The following KCTD5 variants were observed in gnomAD, a reference collection of about 807,000 sequenced individuals.
KCTD5 encodes the protein BTB/POZ domain-containing protein KCTD5.
A neutral mutation model predicts 27.9 loss-of-function variants in KCTD5; 12 were observed. The observed-to-expected ratio is 0.43, with a 90% CI of 0.28 to 0.70. KCTD5 has a LOEUF of 0.70. KCTD5 is among the 30% of genes least tolerant of loss of function. KCTD5 has a pLI of 0.19. For missense variants in KCTD5, 226 were observed against 274.8 expected (o/e 0.82, Z 1.26); for synonymous variants, 147 against 121.4 (o/e 1.21, Z -1.39).
intron 5 of KCTD5, among the ~76,000 whole-genome samples, chr16:2,704,866 G>A (rs2067628172): frequency 1.3e-5 from 2 of 152,242 alleles, no homozygotes; most frequent in Non-Finnish European, 2.9e-5. Context: ...CCTGCCAGGA[G>A]TGGGGCCAGA....
At chr16:2,693,632 C>T (rs185250267) in intron 1 of KCTD5, among the ~76,000 whole-genome samples, 2 of 152,360 alleles carry the variant, frequency 1.3e-5, no homozygotes, top group East Asian at 3.9e-4. Context: ...CTGCCTTCAT[C>T]CTTCCAGTTG....
intron 1 of KCTD5, among the ~76,000 whole-genome samples, chr16:2,691,685 G>A (rs570134788): frequency 4.6e-5 from 7 of 152,268 alleles, no homozygotes; most frequent in African/African-American, 7.2e-5. Context: ...GGTGTGGAGC[G>A]GCTGGCAGGT....
In KCTD5 at chr16:2,698,136, C is replaced by T. The variant is rs922938654; in HGVS notation, c.453+139C>T. 15 of 628,338 alleles carry T rather than the reference C, an allele frequency of 2.4e-5. No individual in the cohort carries two copies. The African/African-American group carries it at 2.6e-4, about 11-fold the overall frequency. The allele number at this position is 628,338 out of a possible 1,614,324, so 38.9% of individuals were successfully genotyped here. ...ACCCTGAGACCCTTGTCCTCTGTCA[C>T]TGCCCCAGTGCCTGCCAGCTCCGTC... On this transcript the variant is annotated intron_variant, in intron 3 of 5. Coordinates refer to ENST00000301738, the MANE Select transcript of KCTD5 (RefSeq NM_018992.4).
chr16:2,689,718 G>A (rs1372880148), intron 1 of KCTD5, among the ~76,000 whole-genome samples: 4 of 150,990 alleles, frequency 2.6e-5, no homozygotes, highest in African/African-American at 7.3e-5. Flanking sequence ...TCACTGGATC[G>A]CCCAGGCTGG....
In KCTD5 at chr16:2,706,220, G is replaced by A. The variant is rs117780416; in HGVS notation, c.676-1078G>A. ...GGGGGTGGAGTATTGGAGTCAGGCT[G>A]AGCAGCTCAGGGGACGTGGCCTCCA... On this transcript the variant is annotated intron_variant, in intron 5 of 5. Coordinates refer to ENST00000301738, the MANE Select transcript of KCTD5 (RefSeq NM_018992.4). Among the ~76,000 whole-genome samples, 252 of 152,320 alleles carry A rather than the reference G, an allele frequency of 1.7e-3. 6 individuals carry two copies. In the East Asian group the frequency reaches 0.047, roughly 29 times the overall value.
rs1567193086 is a variant in KCTD5 at position 2,688,224 on chromosome 16, A to AT, written c.252+5424_252+5425insT. Among the ~76,000 whole-genome samples, 21 of 79,592 alleles carry AT rather than the reference A, an allele frequency of 2.6e-4. 1 individual carries two copies. The South Asian group carries it at 4.9e-3, about 19-fold the overall frequency. 52.2% of individuals were successfully genotyped at this position (79,592 alleles called of 152,430 possible). A position where few individuals can be genotyped will look rare whatever the true frequency, so the allele number is the denominator to read the frequency against. On this transcript the variant is annotated intron_variant, in intron 1 of 5. Coordinates refer to ENST00000301738, the MANE Select transcript of KCTD5 (RefSeq NM_018992.4). ...GTTTTTATTATTAAATAAATAAATA[A>AT]ATAAATATATATATATATATATTTA...
intron 5 of KCTD5, among the ~76,000 whole-genome samples, chr16:2,706,196 G>C (rs1054414000): frequency 2.0e-5 from 3 of 152,214 alleles, no homozygotes; most frequent in Admixed American, 1.3e-4. Flanking sequence ...GAGCTGTTGG[G>C]GGGTGGAGTA....
At chr16:2,687,717 G>T (rs749601440) in intron 1 of KCTD5, among the ~76,000 whole-genome samples, 1 of 152,006 alleles carries the variant, frequency 6.6e-6, no homozygotes, top group Non-Finnish European at 1.5e-5. Flanking sequence ...TCAGACACTT[G>T]TAGGCACTTT....
At chr16:2,684,982 C>T (rs1371115464) in intron 1 of KCTD5, among the ~76,000 whole-genome samples, 1 of 151,988 alleles carries the variant, frequency 6.6e-6, no homozygotes, top group Non-Finnish European at 1.5e-5. Context: ...ATTCTTTGAG[C>T]GAGGGGTAAT....
intron 5 of KCTD5, among the ~76,000 whole-genome samples, chr16:2,705,161 A>G (rs933489036): frequency 1.3e-5 from 2 of 152,206 alleles, no homozygotes; most frequent in Non-Finnish European, 2.9e-5. Flanking sequence ...AGGGGCACCC[A>G]GGGAGTGGCT....
Position 2,706,577 on chromosome 16 carries a change from G to A in KCTD5, c.676-721G>A, listed in dbSNP as rs1161542477. ...GCCTGTCCTCAGGGGAGCCCAGGCCGACTTGGGGGTGGCCTCAGGGGGTTC... is the reference window on the plus strand; with the variant it reads ...GCCTGTCCTCAGGGGAGCCCAGGCCAACTTGGGGGTGGCCTCAGGGGGTTC... On this transcript the variant is annotated intron_variant, in intron 5 of 5. Transcript: ENST00000301738. Among the ~76,000 whole-genome samples the A allele has an allele frequency of 3.9e-5, 6 of 152,066 alleles. No homozygotes were observed. In the South Asian group the frequency reaches 8.3e-4, roughly 21 times the overall value.
At chr16:2,687,753 G>A (rs894821934) in intron 1 of KCTD5, among the ~76,000 whole-genome samples, 2 of 152,120 alleles carry the variant, frequency 1.3e-5, no homozygotes, top group African/African-American at 2.4e-5. Flanking sequence ...CCCCCTCCAC[G>A]CCCCAGGTAA....
chr16:2,697,387 G>T (rs985930571), intron 2 of KCTD5: 2 of 154,638 alleles, frequency 1.3e-5, no homozygotes, highest in African/African-American at 4.8e-5. Context: ...GCCAGCCACA[G>T]TCTTCCCTTT....
At chr16:2,692,805 G>A (rs1422143672) in intron 1 of KCTD5, among the ~76,000 whole-genome samples, 3 of 152,242 alleles carry the variant, frequency 2.0e-5, no homozygotes, top group South Asian at 2.1e-4. Context: ...CTCCAAGATC[G>A]GAGCAGGCAC....
Position 2,702,337 on chromosome 16 carries a change from CTA to C in KCTD5, c.550-14_550-13del. ...AGGCTTCACTGGGCTGCGTCTCAGGCTATGTCTCCTTGCAGTTGGTCAGCATC... is the reference window on the plus strand; with the variant it reads ...AGGCTTCACTGGGCTGCGTCTCAGGCTGTCTCCTTGCAGTTGGTCAGCATC... On this transcript the variant is annotated splice_polypyrimidine_tract_variant and intron_variant, in intron 4 of 5. Coordinates refer to ENST00000301738, the MANE Select transcript of KCTD5 (RefSeq NM_018992.4). 2 of 1,613,284 alleles carry C rather than the reference CTA, an allele frequency of 1.2e-6. No homozygotes were observed. The highest frequency in any genetic ancestry group is 1.7e-6 in the Non-Finnish European group (2 of 1,179,854).
intron 5 of KCTD5, among the ~76,000 whole-genome samples, chr16:2,704,868 G>C (rs968949734): frequency 6.6e-6 from 1 of 152,230 alleles, no homozygotes; most frequent in Non-Finnish European, 1.5e-5. Context: ...TGCCAGGAGT[G>C]GGGCCAGAGG....
rs117745015 is a variant in KCTD5 at position 2,701,388 on chromosome 16, G to A, written c.550-965G>A. 6.0e-4 allele frequency among the ~76,000 whole-genome samples: 91 copies of A among 152,280 alleles called. No individual in the cohort carries two copies. The East Asian group carries it at 0.013, about 22-fold the overall frequency. ...CGGGGTGCTGGGAGGTGGCCAGACCGGACCCAGGGTCCCCAGTGGTCAGCA... is the reference window on the plus strand; with the variant it reads ...CGGGGTGCTGGGAGGTGGCCAGACCAGACCCAGGGTCCCCAGTGGTCAGCA... On this transcript the variant is annotated intron_variant, in intron 4 of 5. Transcript: ENST00000301738.
intron 1 of KCTD5, among the ~76,000 whole-genome samples, chr16:2,689,364 A>G (rs943619704): frequency 1.6e-5 from 1 of 63,734 alleles, no homozygotes; most frequent in Non-Finnish European, 3.3e-5. Flanking sequence ...CAGAGTAAAA[A>G]CTAAGTATTT....
intron 3 of KCTD5, chr16:2,699,194 A>G (rs3094473): frequency 0.45 from 207,085 of 455,790 alleles, 48,826 homozygotes; most frequent in Middle Eastern, 0.53. Context: ...GTGACTGTCC[A>G]GGATGTGGGG....
Sources: allele counts gnomAD v4.1 joint callset (sites outside exome capture counted in the v4.1 genomes callset), GRCh38; gene constraint gnomAD v4.1.1; transcripts MANE v1.5; gene names NCBI Gene and HGNC (gene_info 2026-07-23, HGNC 2026-07-21).